The following KSR2 variants were observed in gnomAD, a reference collection of about 807,000 sequenced individuals.
The protein encoded by KSR2 is kinase suppressor of ras 2.
A neutral mutation model predicts 107.8 loss-of-function variants in KSR2; 25 were observed. The ratio of observed to expected loss-of-function variants is 0.23; its 90% confidence interval spans 0.17 to 0.32. KSR2 has a LOEUF of 0.32. Ranked by LOEUF, KSR2 falls within the 10% of genes least tolerant of loss-of-function variation. The pLI, the probability that KSR2 is intolerant of heterozygous loss-of-function variation, is 1.00. For missense variants in KSR2, 887 were observed against 1,268.9 expected (o/e 0.70, Z 4.57); for synonymous variants, 480 against 507.0 (o/e 0.95, Z 0.71).
Position 117,459,979 on chromosome 12 carries a change from C to T in KSR2, c.*7220G>A, listed in dbSNP as rs1870810402. 1 of 152,222 alleles carries T rather than the reference C, an allele frequency of 6.6e-6. No homozygotes were observed. Among genetic ancestry groups the T allele is most frequent in the Admixed American group, 6.5e-5 (1 of 15,282 alleles). The allele number at this position is 152,222 out of a possible 1,614,324, so 9.4% of individuals were successfully genotyped here. On this transcript the variant is annotated 3_prime_UTR_variant, in exon 20 of 20. Coordinates refer to ENST00000339824, the MANE Select transcript of KSR2 (RefSeq NM_173598.6). The stretch of plus-strand genomic sequence containing the variant: ...GGGAAAGCTTGGGAAGAACAGCCTC[C>T]TATCAGGCATTTAGAGATTCAACCA...
intron 14 of KSR2, among the ~76,000 whole-genome samples, chr12:117,500,133 G>A (rs759024917): frequency 6.6e-6 from 1 of 152,244 alleles, no homozygotes; most frequent in Non-Finnish European, 1.5e-5. Context: ...AAGACATCAC[G>A]TGTAGAAGAG....
chr12:117,821,579 T>C (rs1340310336), intron 3 of KSR2, among the ~76,000 whole-genome samples: 1 of 152,196 alleles, frequency 6.6e-6, no homozygotes, highest in African/African-American at 2.4e-5. Context: ...TAGTAAAGTT[T>C]TGGGGGAAAT....
At chr12:117,796,583 A>G (rs904043624) in intron 3 of KSR2, among the ~76,000 whole-genome samples, 3 of 152,174 alleles carry the variant, frequency 2.0e-5, no homozygotes, top group African/African-American at 7.2e-5. Flanking sequence ...AACAGGTCTA[A>G]GTTCAAATCC....
In KSR2 at chr12:117,967,696, C is replaced by G. The variant is rs368778101; in HGVS notation, c.180+380G>C. ...CTCTGCAGCTCCTTAATGTATTACC[C>G]GGCACACAAGCCCCCGTGGCATATA... On this transcript the variant is annotated intron_variant, in intron 1 of 19. Coordinates refer to ENST00000339824, the MANE Select transcript of KSR2 (RefSeq NM_173598.6). Among the ~76,000 whole-genome samples the G allele has an allele frequency of 1.4e-3, 212 of 152,090 alleles. 1 individual carries two copies. The highest frequency in any genetic ancestry group is 5.0e-3 in the African/African-American group (207 of 41,486).
chr12:117,925,435 T>C (rs1323194625), intron 1 of KSR2, among the ~76,000 whole-genome samples: 1 of 152,220 alleles, frequency 6.6e-6, no homozygotes, highest in Admixed American at 6.5e-5. Context: ...ATATTTTCTT[T>C]TATATTTAAA....
intron 1 of KSR2, among the ~76,000 whole-genome samples, chr12:117,914,373 G>A (rs772352692): frequency 1.0e-4 from 15 of 149,688 alleles, no homozygotes; most frequent in Admixed American, 2.0e-4. Flanking sequence ...ATGCTGCAGC[G>A]AGTCGAAATC....
intron 1 of KSR2, among the ~76,000 whole-genome samples, chr12:117,877,274 T>C (rs1316401078): frequency 6.6e-6 from 1 of 151,922 alleles, no homozygotes; most frequent in Non-Finnish European, 1.5e-5. Context: ...GAAGTGGAGG[T>C]TGCAGTGAGC....
intron 1 of KSR2, among the ~76,000 whole-genome samples, chr12:117,948,869 G>A (rs367920106): frequency 4.9e-4 from 74 of 152,256 alleles, no homozygotes; most frequent in African/African-American, 1.7e-3. Context: ...TGAGCAGGGT[G>A]GATCACCTGA....
intron 4 of KSR2, among the ~76,000 whole-genome samples, chr12:117,701,118 C>T (rs368553486): frequency 3.9e-5 from 6 of 152,148 alleles, no homozygotes; most frequent in South Asian, 4.1e-4. Context: ...GACAGAGTCT[C>T]GCTCTGTTAC....
intron 17 of KSR2, among the ~76,000 whole-genome samples, chr12:117,473,947 T>A (rs961238457): frequency 6.6e-6 from 1 of 152,144 alleles, no homozygotes. Flanking sequence ...CTTGTAAAAA[T>A]TGTGAGACAA....
intron 7 of KSR2, among the ~76,000 whole-genome samples, chr12:117,574,950 G>A (rs1879180977): frequency 6.6e-6 from 1 of 151,670 alleles, no homozygotes; most frequent in African/African-American, 2.4e-5. Flanking sequence ...CCAGGCTTCG[G>A]GAAGGGCTTT....
intron 7 of KSR2, among the ~76,000 whole-genome samples, chr12:117,572,370 G>C (rs1325648293): frequency 6.6e-6 from 1 of 152,136 alleles, no homozygotes; most frequent in Non-Finnish European, 1.5e-5. Context: ...CTTATGCTCA[G>C]AGCCTGGTCC....
chr12:117,574,895 A>G (rs1809431174), intron 7 of KSR2, among the ~76,000 whole-genome samples: 2 of 146,850 alleles, frequency 1.4e-5, no homozygotes, highest in Admixed American at 1.4e-4. Context: ...TCTGGGTGAA[A>G]AAAAAAAAAA....
chr12:117,785,553 G>A (rs910377858), intron 3 of KSR2, among the ~76,000 whole-genome samples: 2 of 150,166 alleles, frequency 1.3e-5, no homozygotes, highest in Admixed American at 6.7e-5. Context: ...AACCACTCTT[G>A]AAATGAAAAG....
intron 3 of KSR2, among the ~76,000 whole-genome samples, chr12:117,837,709 C>A (rs180897411): frequency 6.6e-6 from 1 of 152,242 alleles, no homozygotes; most frequent in East Asian, 1.9e-4. Flanking sequence ...TGGTCTGCCT[C>A]ATTTCTCCTC....
At chr12:117,590,391 C>CCA (rs1182330280) in intron 5 of KSR2, among the ~76,000 whole-genome samples, 2 of 152,142 alleles carry the variant, frequency 1.3e-5, no homozygotes, top group East Asian at 3.9e-4. Context: ...ACCAGCTCTG[C>CCA]CACTTACGAG....
intron 4 of KSR2, among the ~76,000 whole-genome samples, chr12:117,703,555 TCTC>T (rs1019991802): frequency 5.3e-5 from 8 of 152,080 alleles, no homozygotes; most frequent in African/African-American, 1.9e-4. Flanking sequence ...ATGACACTGA[TCTC>T]CTGGTCACAA....
intron 5 of KSR2, among the ~76,000 whole-genome samples, chr12:117,644,336 A>G (rs575686896): frequency 7.2e-5 from 11 of 152,332 alleles, no homozygotes; most frequent in African/African-American, 2.6e-4. Context: ...GAGAAGAAAA[A>G]GTTCGCAGCA....
intron 4 of KSR2, among the ~76,000 whole-genome samples, chr12:117,752,949 C>A (rs1248501268): frequency 1.3e-5 from 2 of 152,176 alleles, no homozygotes; most frequent in African/African-American, 2.4e-5. Context: ...GGTGTGGGAT[C>A]CTTGGGATGA....
Sources: gnomAD v4.1 joint callset for allele counts (sites outside exome capture counted in the v4.1 genomes callset) on GRCh38, gnomAD v4.1.1 for gene constraint, MANE v1.5 for transcripts, NCBI Gene and HGNC (gene_info 2026-07-23, HGNC 2026-07-21) for gene names.